APC: variants seen among roughly 807,000 people sequenced by gnomAD.
APC encodes adenomatous polyposis coli protein.
APC carries 72 observed loss-of-function variants against 247.0 expected under a neutral mutation model. The observed-to-expected ratio is 0.29, with a 90% CI of 0.24 to 0.35. The LOEUF (loss-of-function observed/expected upper bound fraction) is 0.35. Among genes scored for constraint, APC ranks in the 10% least tolerant of loss-of-function variants. The pLI is 1.00. For synonymous variants in APC, 1,254 were observed against 1,162.5 expected (o/e 1.08, Z -1.60); for missense variants, 3,400 against 3,360.7 (o/e 1.01, Z -0.29).
At chr5:112,789,275 T>C (rs915496714) in intron 6 of APC, among the ~76,000 whole-genome samples, 3 of 152,238 alleles carry the variant, frequency 2.0e-5, no homozygotes, top group African/African-American at 7.2e-5. Context: ...ATCCAAATTG[T>C]GAAGTGCTGC....
chr5:112,822,107 GC>G lies in APC; in HGVS notation c.1408+118del. On this transcript the variant is annotated intron_variant, in intron 11 of 15. Coordinates refer to ENST00000257430, the MANE Select transcript of APC (RefSeq NM_000038.6). ...AATCATTGATGAATTAGGATATAAG[GC>G]CACCAACTTCTGTTATCAGCTGCTT... is the stretch of plus-strand genomic sequence containing the variant. The G allele has an allele frequency of 4.1e-6, 3 of 735,252 alleles. No homozygotes were observed. The South Asian group carries it at 5.0e-5, about 12-fold the overall frequency. 45.5% of individuals were successfully genotyped at this position (735,252 alleles called of 1,614,324 possible).
rs74574365 is a variant in APC at position 112,782,582 on chromosome 5, C to T, written c.645+1679C>T. On this transcript the variant is annotated intron_variant, in intron 6 of 15. Transcript: ENST00000257430. Reference sequence around the variant, plus strand: ...GTATGTGTACATGTTAGTTATAATACGTGTATATATCATTTTTTCTTACCT... The same window carrying T: ...GTATGTGTACATGTTAGTTATAATATGTGTATATATCATTTTTTCTTACCT... 5.0e-3 allele frequency among the ~76,000 whole-genome samples: 758 copies of T among 152,188 alleles called. 17 individuals are homozygous for T. The highest frequency in any genetic ancestry group is 0.017 in the African/African-American group (708 of 41,506).
At chr5:112,755,449 A>G (rs903755471) in intron 2 of APC, among the ~76,000 whole-genome samples, 3 of 152,148 alleles carry the variant, frequency 2.0e-5, no homozygotes, top group Non-Finnish European at 4.4e-5. Flanking sequence ...CAAGAAAATC[A>G]GGATACCCTA....
In APC at chr5:112,759,139, C is replaced by T. The variant is rs137873318; in HGVS notation, c.135+4114C>T. Among the ~76,000 whole-genome samples, 780 of 151,810 alleles carry T rather than the reference C, an allele frequency of 5.1e-3. 8 individuals carry two copies. The highest frequency in any genetic ancestry group is 0.018 in the African/African-American group (725 of 41,382). ...ATCTTTTCAGAAAGTAAGGAAAAACCGAGATCAACATTTCAGAATGTATTT... is the reference window on the plus strand; with the variant it reads ...ATCTTTTCAGAAAGTAAGGAAAAACTGAGATCAACATTTCAGAATGTATTT... On this transcript the variant is annotated intron_variant, in intron 2 of 15. Coordinates refer to ENST00000257430, the MANE Select transcript of APC (RefSeq NM_000038.6).
chr5:112,832,307 G>A (rs988788704), intron 14 of APC, among the ~76,000 whole-genome samples: 1 of 151,930 alleles, frequency 6.6e-6, no homozygotes, highest in Non-Finnish European at 1.5e-5. Flanking sequence ...TTGTTCTCAG[G>A]ATACTTGGAG....
intron 1 of APC, among the ~76,000 whole-genome samples, chr5:112,743,562 G>A (rs961394840): frequency 6.6e-6 from 1 of 152,182 alleles, no homozygotes; most frequent in Admixed American, 6.5e-5. Context: ...ATGGTAAGCA[G>A]ATATTCATTG....
At chr5:112,803,930 A>T (rs1255522894) in intron 8 of APC, among the ~76,000 whole-genome samples, 1 of 151,972 alleles carries the variant, frequency 6.6e-6, no homozygotes, top group Non-Finnish European at 1.5e-5. Flanking sequence ...GTGGCTACTC[A>T]CCTCCCATAT....
chr5:112,760,487 C>T (rs1454337605), intron 2 of APC, among the ~76,000 whole-genome samples: 1 of 152,160 alleles, frequency 6.6e-6, no homozygotes, highest in Non-Finnish European at 1.5e-5. Context: ...AGTTTACAAC[C>T]TCCAAGAGAA....
At chr5:112,745,604 C>T (rs375377) in intron 1 of APC, among the ~76,000 whole-genome samples, 36 of 151,834 alleles carry the variant, frequency 2.4e-4, no homozygotes, top group Non-Finnish European at 3.7e-4. Context: ...CACTCTGTCG[C>T]CGAGGCTGGA....
chr5:112,741,273 C>T (rs1752983205), intron 1 of APC, among the ~76,000 whole-genome samples: 1 of 152,128 alleles, frequency 6.6e-6, no homozygotes, highest in African/African-American at 2.4e-5. Context: ...TCTAAGATAT[C>T]CTCTAATTTA....
chr5:112,740,896 G>T (rs1313668016), intron 1 of APC, among the ~76,000 whole-genome samples: 1 of 151,974 alleles, frequency 6.6e-6, no homozygotes, highest in East Asian at 1.9e-4. Context: ...CTCATTTTAT[G>T]AAATTTAACC....
rs1161113466 is a variant in APC at position 112,835,048 on chromosome 5, C to G, written c.1841C>G (p.Ala614Gly). Residue 614 changes from alanine (A) to glycine (G), a missense_variant, in exon 15 of 16, where the codon GCA (alanine) becomes GGA (glycine). Physicochemically the swap from Ala to Gly is moderately conservative, Grantham distance 60. Coordinates refer to ENST00000257430, the MANE Select transcript of APC (RefSeq NM_000038.6). ...ATATGTGCTGTAGATGGTGCACTTG[C>G]ATTTTTGGTTGGCACTCTTACTTAC... ...ADICAVDGAL[A>G]FLVGTLTYRS... is the part of the protein sequence containing the mutation. The G allele has an allele frequency of 1.2e-6, 2 of 1,614,108 alleles. No individual in the cohort carries two copies. Among genetic ancestry groups the G allele is most frequent in the Non-Finnish European group, 1.7e-6 (2 of 1,180,000 alleles).
At chr5:112,808,938 G>A (rs745382674) in intron 8 of APC, among the ~76,000 whole-genome samples, 1 of 152,152 alleles carries the variant, frequency 6.6e-6, no homozygotes, top group Admixed American at 6.6e-5. Flanking sequence ...GCAGCTAGAA[G>A]GGTAGTGATG....
intron 1 of APC, among the ~76,000 whole-genome samples, chr5:112,719,268 A>C (rs969638382): frequency 6.6e-6 from 1 of 152,054 alleles, no homozygotes. Context: ...CCCAGGCTGG[A>C]GTACAGTGGC....
chr5:112,835,424 A>G (rs1357226861), intron 15 of APC, among the ~76,000 whole-genome samples: 2 of 152,192 alleles, frequency 1.3e-5, no homozygotes, highest in Non-Finnish European at 2.9e-5. Flanking sequence ...AAATAGTCAC[A>G]AATATTGTAA....
chr5:112,731,543 G>C (rs1022857505), intron 1 of APC, among the ~76,000 whole-genome samples: 4 of 152,148 alleles, frequency 2.6e-5, no homozygotes, highest in African/African-American at 9.7e-5. Flanking sequence ...CTCCCATTAG[G>C]CTGCAGCTCC....
At chr5:112,759,433 C>T (rs1755402785) in intron 2 of APC, among the ~76,000 whole-genome samples, 1 of 140,358 alleles carries the variant, frequency 7.1e-6, no homozygotes, top group South Asian at 2.2e-4. Context: ...TCTTGGCTGT[C>T]TGCAACCTCC....
intron 1 of APC, among the ~76,000 whole-genome samples, chr5:112,726,598 G>T (rs1300872627): frequency 6.6e-6 from 1 of 152,182 alleles, no homozygotes; most frequent in African/African-American, 2.4e-5. Flanking sequence ...GCAAAAAAAG[G>T]AATGCCTCTT....
chr5:112,814,810 G>C (rs1408646429), intron 8 of APC, among the ~76,000 whole-genome samples: 1 of 152,128 alleles, frequency 6.6e-6, no homozygotes, highest in Non-Finnish European at 1.5e-5. Context: ...CTTGTGTTCT[G>C]TCCACATTAC....
Sources: allele counts gnomAD v4.1 joint callset (sites outside exome capture counted in the v4.1 genomes callset), GRCh38; gene constraint gnomAD v4.1.1; transcripts MANE v1.5; gene names NCBI Gene and HGNC (gene_info 2026-07-23, HGNC 2026-07-21).